Variants in NACC2 observed in about 807,000 individuals in gnomAD.
NACC2 encodes the protein NACC family member 2, also known as nucleus accumbens-associated protein 2.
A neutral mutation model predicts 25.1 loss-of-function variants in NACC2; 8 were observed. The ratio of observed to expected loss-of-function variants is 0.32; its 90% confidence interval spans 0.19 to 0.57. NACC2 has a LOEUF of 0.57. Among genes scored for constraint, NACC2 ranks in the 20% least tolerant of loss-of-function variants. The pLI is 0.89. For synonymous variants in NACC2, 435 were observed against 294.7 expected (o/e 1.48, Z -4.88); for missense variants, 644 against 650.2 (o/e 0.99, Z 0.10).
At chr9:136,032,370 A>C (rs1840487418) in intron 2 of NACC2, among the ~76,000 whole-genome samples, 1 of 152,096 alleles carries the variant, frequency 6.6e-6, no homozygotes, top group Non-Finnish European at 1.5e-5. Flanking sequence ...GTTACAATGC[A>C]ACACTTACGA....
intron 1 of NACC2, among the ~76,000 whole-genome samples, chr9:136,075,936 C>A (rs1356839387): frequency 6.6e-6 from 1 of 152,226 alleles, no homozygotes; most frequent in East Asian, 1.9e-4. Flanking sequence ...GTGCTCAGTG[C>A]CTGTGGCCCT....
intron 2 of NACC2, among the ~76,000 whole-genome samples, chr9:136,039,318 G>T (rs1310088679): frequency 6.6e-6 from 1 of 152,148 alleles, no homozygotes; most frequent in African/African-American, 2.4e-5. Context: ...TGGTAAGAAT[G>T]CTGCTAATTA....
intron 1 of NACC2, among the ~76,000 whole-genome samples, chr9:136,073,040 A>G (rs1830216702): frequency 6.6e-6 from 1 of 152,202 alleles, no homozygotes; most frequent in African/African-American, 2.4e-5. Context: ...GCTCAGCACA[A>G]GACACAGGTA....
At position 136,049,663 on chromosome 9, in the gene NACC2, A is replaced by G; in HGVS notation, c.859T>C (p.Tyr287His). ...TMVEEQYGQM[Y>H]IKASGSYAVQ... ...GCATAGCTGCCGGAGGCCTTGATGT[A>G]CATCTGGCCGTACTGCTCCTCCACC... The change falls in exon 2 of 6, where the codon TAC (tyrosine) becomes CAC (histidine). Residue 287 changes from tyrosine (Y) to histidine (H), a missense_variant. Coordinates refer to ENST00000277554, the MANE Select transcript of NACC2 (RefSeq NM_144653.5). 1 of 778,168 alleles carries G rather than the reference A, an allele frequency of 1.3e-6. No individual in the cohort carries two copies. Among genetic ancestry groups the G allele is most frequent in the Non-Finnish European group, 2.4e-6 (1 of 416,990 alleles). The allele number at this position is 778,168 out of a possible 1,614,324, so 48.2% of individuals were successfully genotyped here.
At chr9:136,066,728 A>G (rs1841086848) in intron 1 of NACC2, among the ~76,000 whole-genome samples, 2 of 152,230 alleles carry the variant, frequency 1.3e-5, no homozygotes, top group Non-Finnish European at 2.9e-5. Context: ...AAGTGGAAAT[A>G]CACAAATGTC....
chr9:136,029,269 G>A (rs931460179), intron 2 of NACC2, among the ~76,000 whole-genome samples: 2 of 152,164 alleles, frequency 1.3e-5, no homozygotes, highest in Admixed American at 6.5e-5. Flanking sequence ...CCTGAGGAGG[G>A]GAGCTACCCA....
chr9:136,067,267 C>CAA (rs58132081), intron 1 of NACC2, among the ~76,000 whole-genome samples: 3,296 of 93,582 alleles, frequency 0.035, 190 homozygotes, highest in African/African-American at 0.13. Flanking sequence ...AACTCTGTCT[C>CAA]AAAAAAAAAA....
intron 2 of NACC2, among the ~76,000 whole-genome samples, chr9:136,021,986 C>A (rs1319477556): frequency 6.6e-6 from 1 of 152,132 alleles, no homozygotes; most frequent in East Asian, 1.9e-4. Context: ...GGCGAGGGAG[C>A]CATTGTGAAT....
chr9:136,042,731 G>A (rs1245421617), intron 2 of NACC2, among the ~76,000 whole-genome samples: 1 of 144,702 alleles, frequency 6.9e-6, no homozygotes, highest in African/African-American at 2.6e-5. Context: ...CACAGACACA[G>A]ACACACACAG....
intron 1 of NACC2, among the ~76,000 whole-genome samples, chr9:136,088,469 T>C (rs767743810): frequency 2.7e-4 from 41 of 152,044 alleles, no homozygotes; most frequent in South Asian, 4.2e-4. Flanking sequence ...AAAGCCACAG[T>C]GGTCAGTCAG....
intron 3 of NACC2, among the ~76,000 whole-genome samples, chr9:136,014,428 C>A (rs1312206373): frequency 6.6e-6 from 1 of 152,198 alleles, no homozygotes; most frequent in African/African-American, 2.4e-5. Context: ...CCTCAGCCCC[C>A]TGAGTAGCCG....
chr9:136,077,897 C>G (rs1014530865), intron 1 of NACC2, among the ~76,000 whole-genome samples: 1 of 152,328 alleles, frequency 6.6e-6, no homozygotes, highest in East Asian at 1.9e-4. Context: ...GTGAAAACCA[C>G]GTAAATAATA....
chr9:136,069,814 A>G (rs968832946), intron 1 of NACC2, among the ~76,000 whole-genome samples: 1 of 151,878 alleles, frequency 6.6e-6, no homozygotes, highest in African/African-American at 2.4e-5. Flanking sequence ...CGGAACTACA[A>G]AATACATGAA....
Position 136,055,439 on chromosome 9 carries a change from A to G in NACC2, c.-59-4859T>C, listed in dbSNP as rs1290660831. Among the ~76,000 whole-genome samples the G allele has an allele frequency of 6.6e-6, 1 of 152,166 alleles. No homozygotes were observed. The highest frequency in any genetic ancestry group is 1.5e-5 in the Non-Finnish European group (1 of 68,022). ...AGGCCAGAGGACTGGGACAGGGACC[A>G]GTCAGGCAGCCCAACAGGAGGAGCC... On this transcript the variant is annotated intron_variant, in intron 1 of 5. Coordinates refer to ENST00000277554, the MANE Select transcript of NACC2 (RefSeq NM_144653.5). This position sits in a 1 kb window ranked among gnomAD's most constrained non-coding sequence, Gnocchi z 4.9.
intron 2 of NACC2, among the ~76,000 whole-genome samples, chr9:136,030,616 AAAAT>A (rs1278964157): frequency 6.6e-6 from 1 of 152,130 alleles, no homozygotes; most frequent in African/African-American, 2.4e-5. Flanking sequence ...TCTCAAAAAA[AAAAT>A]AAAAAGAGGG....
chr9:136,031,948 C>T (rs975033345), intron 2 of NACC2, among the ~76,000 whole-genome samples: 1 of 142,514 alleles, frequency 7.0e-6, no homozygotes, highest in African/African-American at 3.1e-5. Flanking sequence ...CAGCTGTTAA[C>T]AGCTTTCCCG....
chr9:136,076,061 A>G (rs984460997), intron 1 of NACC2, among the ~76,000 whole-genome samples: 3 of 152,150 alleles, frequency 2.0e-5, no homozygotes, highest in African/African-American at 7.2e-5. Context: ...AAGAACAGTC[A>G]TCGAAAACTT....
chr9:136,034,536 C>A (rs1840523746), intron 2 of NACC2, among the ~76,000 whole-genome samples: 1 of 152,018 alleles, frequency 6.6e-6, no homozygotes, highest in South Asian at 2.1e-4. Flanking sequence ...ATGAACAAAT[C>A]TAGCACCAAG....
rs1840303230 is a variant in NACC2 at position 136,022,123 on chromosome 9, G to C, written c.887-5694C>G. 6.6e-6 allele frequency among the ~76,000 whole-genome samples: 1 copy of C among 152,244 alleles called. No homozygotes were observed. The highest frequency in any genetic ancestry group is 1.5e-5 in the Non-Finnish European group (1 of 68,038). On this transcript the variant is annotated intron_variant, in intron 2 of 5. Transcript: ENST00000277554. This position sits in a 1 kb window ranked among gnomAD's most constrained non-coding sequence, Gnocchi z 4.4. ...CACTATCTCTGCAGCTGCCGGCTTG[G>C]CACAGACCAGCTCTGGCAACCTGTG...
Sources: gnomAD v4.1 joint callset for allele counts (sites outside exome capture counted in the v4.1 genomes callset) on GRCh38, gnomAD v4.1.1 for gene constraint, Gnocchi (gnomAD v3.1) non-coding constraint, MANE v1.5 for transcripts, NCBI Gene and HGNC (gene_info 2026-07-23, HGNC 2026-07-21) for gene names.